GRM7: variants seen among roughly 807,000 people sequenced by gnomAD.
GRM7 encodes the protein glutamate metabotropic receptor 7.
In GRM7, 35 loss-of-function variants were observed where a neutral mutation model predicts 84.5. The ratio of observed to expected loss-of-function variants is 0.41; its 90% CI spans 0.32 to 0.55. The LOEUF (loss-of-function observed/expected upper bound fraction) is 0.55, where lower values mean the gene tolerates loss of function less well. GRM7 is among the 20% of genes least tolerant of loss of function. GRM7 has a pLI of 0.19. For synonymous variants in GRM7, 487 were observed against 455.1 expected (o/e 1.07, Z -0.89); for missense variants, 1,003 against 1,194.6 (o/e 0.84, Z 2.36).
chr3:7,406,225 G>A (rs1415958133), intron 4 of GRM7, among the ~76,000 whole-genome samples: 2 of 152,190 alleles, frequency 1.3e-5, no homozygotes, highest in Non-Finnish European at 1.5e-5. Flanking sequence ...TATCGGCCGG[G>A]CGTGGTGGCT....
At chr3:7,279,172 A>C (rs1260698427) in intron 2 of GRM7, among the ~76,000 whole-genome samples, 1 of 152,198 alleles carries the variant, frequency 6.6e-6, no homozygotes, top group East Asian at 1.9e-4. Flanking sequence ...TGATTTGTTA[A>C]GTAGAGGTAT....
rs777495534 is a variant in GRM7, at chr3:7,452,597, T to A, written c.1175-10T>A. ...GTGTGTGTGTGTGTGTTTCTTGTTT[T>A]AATGTGCAGGACAGGAGAGAATTGG... is the stretch of plus-strand genomic sequence containing the variant. On this transcript the variant is annotated splice_polypyrimidine_tract_variant and intron_variant, in intron 5 of 9. Transcript: ENST00000357716. 6.4e-7 allele frequency: 1 copy of A among 1,570,160 alleles called. No homozygotes were observed. The highest frequency in any genetic ancestry group is 1.1e-5 in the South Asian group (1 of 90,220).
At chr3:7,116,122 G>A (rs1437544566) in intron 1 of GRM7, among the ~76,000 whole-genome samples, 2 of 152,106 alleles carry the variant, frequency 1.3e-5, no homozygotes, top group African/African-American at 2.4e-5. Flanking sequence ...TACCTGTTGT[G>A]TTGGACGGAA....
At chr3:7,536,595 C>T (rs1185691225) in intron 7 of GRM7, among the ~76,000 whole-genome samples, 1 of 152,184 alleles carries the variant, frequency 6.6e-6, no homozygotes. Flanking sequence ...ATTGCTGAGG[C>T]TAGGTTATGA....
chr3:7,383,078 C>T (rs1694652320), intron 4 of GRM7, among the ~76,000 whole-genome samples: 1 of 152,232 alleles, frequency 6.6e-6, no homozygotes, highest in South Asian at 2.1e-4. Flanking sequence ...CAGATCCACA[C>T]TCTAGCCCCC....
intron 4 of GRM7, among the ~76,000 whole-genome samples, chr3:7,411,480 T>G (rs1001025552): frequency 4.6e-5 from 7 of 152,182 alleles, no homozygotes; most frequent in African/African-American, 1.7e-4. Flanking sequence ...AGAAATAATC[T>G]AATTTTTTTT....
At chr3:6,912,380 A>G (rs1257207623) in intron 1 of GRM7, among the ~76,000 whole-genome samples, 1 of 152,162 alleles carries the variant, frequency 6.6e-6, no homozygotes, top group Non-Finnish European at 1.5e-5. Flanking sequence ...GGAACGTTTT[A>G]AAGGAAACTT....
intron 4 of GRM7, among the ~76,000 whole-genome samples, chr3:7,354,442 G>A (rs574137270): frequency 6.6e-6 from 1 of 152,246 alleles, no homozygotes; most frequent in South Asian, 2.1e-4. Context: ...GTTCTTAGCT[G>A]CTGGCAAAAT....
intron 1 of GRM7, among the ~76,000 whole-genome samples, chr3:7,021,225 G>A (rs1184623442): frequency 6.6e-6 from 1 of 152,024 alleles, no homozygotes; most frequent in Non-Finnish European, 1.5e-5. Flanking sequence ...TGCAGTAATT[G>A]TTCAGCTGAC....
At chr3:6,959,021 G>A (rs17046472) in intron 1 of GRM7, among the ~76,000 whole-genome samples, 23,903 of 152,138 alleles carry the variant, frequency 0.16, 2,038 homozygotes, top group East Asian at 0.32. Flanking sequence ...CCCTGTAGGC[G>A]TCATTTGATT....
chr3:7,254,417 T>C (rs929507093), intron 2 of GRM7, among the ~76,000 whole-genome samples: 1 of 152,196 alleles, frequency 6.6e-6, no homozygotes, highest in African/African-American at 2.4e-5. Flanking sequence ...GGCTCCCACA[T>C]TGTAAGCATT....
At position 7,136,145 on chromosome 3, in the gene GRM7, A is replaced by G. The variant is rs535990447; in HGVS notation, c.520-10307A>G. ...TTTCTTTTTTTATTAGAAATGACATATAATTATTTTCTCTGGATTTAATAT... is the reference window on the plus strand; with the variant it reads ...TTTCTTTTTTTATTAGAAATGACATGTAATTATTTTCTCTGGATTTAATAT... On this transcript the variant is annotated intron_variant, in intron 1 of 9. Transcript: ENST00000357716. Among the ~76,000 whole-genome samples, 5 of 152,180 alleles carry G rather than the reference A, an allele frequency of 3.3e-5. No homozygotes were observed. In the East Asian group the frequency reaches 9.7e-4, roughly 29 times the overall value.
chr3:7,302,847 C>T (rs952628752), intron 3 of GRM7, among the ~76,000 whole-genome samples: 2 of 150,218 alleles, frequency 1.3e-5, no homozygotes, highest in Non-Finnish European at 2.9e-5. Flanking sequence ...AATGAACAGA[C>T]ATTTTGATAG....
intron 2 of GRM7, among the ~76,000 whole-genome samples, chr3:7,181,412 A>G (rs1429385503): frequency 6.6e-6 from 1 of 152,070 alleles, no homozygotes; most frequent in African/African-American, 2.4e-5. Context: ...AAATCCAGGC[A>G]CCATCTCTTG....
At chr3:7,620,540 T>A (rs1246339013) in intron 8 of GRM7, among the ~76,000 whole-genome samples, 1 of 152,134 alleles carries the variant, frequency 6.6e-6, no homozygotes, top group African/African-American at 2.4e-5. Flanking sequence ...CATTTTATAT[T>A]TGAAGCAGTC....
At chr3:7,119,458 T>C (rs749259052) in intron 1 of GRM7, among the ~76,000 whole-genome samples, 3 of 152,192 alleles carry the variant, frequency 2.0e-5, no homozygotes, top group Non-Finnish European at 4.4e-5. Flanking sequence ...TCGTAGTCCA[T>C]ATACTTTGTA....
chr3:7,062,402 A>G (rs1356961814), intron 1 of GRM7, among the ~76,000 whole-genome samples: 8 of 151,752 alleles, frequency 5.3e-5, no homozygotes, highest in Non-Finnish European at 8.8e-5. Flanking sequence ...AGCCAAGACA[A>G]AAGGGGGAGT....
At chr3:7,449,363 G>T (rs1697669019) in intron 5 of GRM7, among the ~76,000 whole-genome samples, 1 of 152,108 alleles carries the variant, frequency 6.6e-6, no homozygotes, top group African/African-American at 2.4e-5. Context: ...CAGATAGGAA[G>T]ATTCAACTTC....
chr3:7,419,027 G>A (rs1462866381), intron 5 of GRM7, among the ~76,000 whole-genome samples: 2 of 152,080 alleles, frequency 1.3e-5, no homozygotes, highest in Non-Finnish European at 2.9e-5. Flanking sequence ...AGCTAACAAT[G>A]GAAATTTTCT....
Sources: allele counts gnomAD v4.1 joint callset (sites outside exome capture counted in the v4.1 genomes callset), GRCh38; gene constraint gnomAD v4.1.1; transcripts MANE v1.5; gene names NCBI Gene and HGNC (gene_info 2026-07-23, HGNC 2026-07-21).